HMGA2: variants seen among roughly 807,000 people sequenced by gnomAD.
The protein encoded by HMGA2 is high mobility group protein HMGI-C.
A neutral mutation model predicts 19.1 loss-of-function variants in HMGA2; 8 were observed. The observed-to-expected ratio is 0.42, with a 90% CI of 0.25 to 0.76. The LOEUF (loss-of-function observed/expected upper bound fraction) is 0.76. Ranked by LOEUF, HMGA2 falls within the 30% of genes least tolerant of loss-of-function variation. The probability of loss-of-function intolerance (pLI) is 0.28; values close to 1 mark genes in which losing one functional copy is unlikely to be tolerated. For missense variants in HMGA2, 109 were observed against 136.3 expected (o/e 0.80, Z 1.00); for synonymous variants, 60 against 48.8 (o/e 1.23, Z -0.96).
chr12:65,955,315 A>C (rs1592467234), intron 4 of HMGA2: 2 of 152,266 alleles, frequency 1.3e-5, no homozygotes, highest in East Asian at 3.9e-4. Context: ...TTAAAAAAAG[A>C]AACACCATAA....
At chr12:65,949,127 T>C (rs1876367462) in intron 3 of HMGA2, among the ~76,000 whole-genome samples, 1 of 152,172 alleles carries the variant, frequency 6.6e-6, no homozygotes, top group African/African-American at 2.4e-5. Flanking sequence ...CTCATCGTTC[T>C]TGGTTCGATT....
chr12:65,863,593 A>T (rs1486782999), intron 3 of HMGA2, among the ~76,000 whole-genome samples: 1 of 152,220 alleles, frequency 6.6e-6, no homozygotes, highest in Non-Finnish European at 1.5e-5. Context: ...AATCACAACA[A>T]TATCCTTTGC....
chr12:65,924,295 A>G (rs1057158836), intron 3 of HMGA2, among the ~76,000 whole-genome samples: 2 of 152,212 alleles, frequency 1.3e-5, no homozygotes, highest in African/African-American at 4.8e-5. Flanking sequence ...TTTTTGCTGT[A>G]TCTGAAGATA....
chr12:65,945,378 A>C (rs1381745709), intron 3 of HMGA2, among the ~76,000 whole-genome samples: 1 of 152,180 alleles, frequency 6.6e-6, no homozygotes, highest in African/African-American at 2.4e-5. Flanking sequence ...TCGATCACAT[A>C]ATTTCGTGAA....
chr12:65,901,509 G>C (rs1210123424), intron 3 of HMGA2, among the ~76,000 whole-genome samples: 1 of 152,140 alleles, frequency 6.6e-6, no homozygotes, highest in Non-Finnish European at 1.5e-5. Flanking sequence ...TTTGTTGTCT[G>C]ATTTTGTGAC....
At chr12:65,911,203 AC>A (rs1205338245) in intron 3 of HMGA2, among the ~76,000 whole-genome samples, 1 of 152,246 alleles carries the variant, frequency 6.6e-6, no homozygotes, top group Non-Finnish European at 1.5e-5. Flanking sequence ...CATTTAAAGT[AC>A]AAGCAAATTT....
intron 3 of HMGA2, among the ~76,000 whole-genome samples, chr12:65,931,052 A>T (rs371725535): frequency 1.2e-4 from 19 of 152,228 alleles, no homozygotes; most frequent in African/African-American, 3.6e-4. Flanking sequence ...TAAATTAAGC[A>T]TGGAGCTGTT....
At chr12:65,896,509 G>GCTTTCTCTCTCTTTCT (rs1229381663) in intron 3 of HMGA2, among the ~76,000 whole-genome samples, 1 of 152,198 alleles carries the variant, frequency 6.6e-6, no homozygotes, top group East Asian at 1.9e-4. Context: ...GGAGTGTGGT[G>GCTTTCTCTCTCTTTCT]CTTTCTCTCT....
chr12:65,875,002 C>T (rs9668162), intron 3 of HMGA2, among the ~76,000 whole-genome samples: 4 of 152,156 alleles, frequency 2.6e-5, no homozygotes, highest in African/African-American at 7.2e-5. Flanking sequence ...CCCGCCCCCC[C>T]AGTAATACCC....
intron 3 of HMGA2, among the ~76,000 whole-genome samples, chr12:65,901,366 A>G (rs1592432806): frequency 6.6e-6 from 1 of 152,356 alleles, no homozygotes. Context: ...TAAACCTTTG[A>G]CTTCACTGTT....
At chr12:65,938,089 AAG>A (rs1202011312) in intron 3 of HMGA2, among the ~76,000 whole-genome samples, 1 of 152,146 alleles carries the variant, frequency 6.6e-6, no homozygotes, top group Non-Finnish European at 1.5e-5. Context: ...GGACTGTCGG[AAG>A]AGACTCTCCT....
intron 3 of HMGA2, among the ~76,000 whole-genome samples, chr12:65,932,361 T>C (rs965542101): frequency 6.6e-6 from 1 of 152,244 alleles, no homozygotes; most frequent in African/African-American, 2.4e-5. Context: ...TTGATAATGT[T>C]TGATTGTTAA....
intron 3 of HMGA2, among the ~76,000 whole-genome samples, chr12:65,885,227 T>A (rs1253638724): frequency 6.6e-6 from 1 of 152,194 alleles, no homozygotes; most frequent in Non-Finnish European, 1.5e-5. Context: ...TTACAGATTA[T>A]TTTAGGTAGA....
intron 3 of HMGA2, among the ~76,000 whole-genome samples, chr12:65,887,353 T>C (rs981531642): frequency 6.6e-5 from 10 of 152,140 alleles, no homozygotes; most frequent in African/African-American, 2.4e-4. Context: ...TTTGGGAGGC[T>C]GAGATGGGTC....
intron 3 of HMGA2, among the ~76,000 whole-genome samples, chr12:65,847,382 A>C (rs1871275067): frequency 6.6e-6 from 1 of 152,190 alleles, no homozygotes; most frequent in Non-Finnish European, 1.5e-5. Context: ...CTCTTTGTGC[A>C]TACTCAATAT....
At chr12:65,893,655 T>C (rs1874009968) in intron 3 of HMGA2, among the ~76,000 whole-genome samples, 1 of 152,186 alleles carries the variant, frequency 6.6e-6, no homozygotes, top group Admixed American at 6.5e-5. Context: ...CTGTCCTGCA[T>C]TTCAGGGGGT....
At chr12:65,937,139 T>C (rs1875925256) in intron 3 of HMGA2, among the ~76,000 whole-genome samples, 1 of 152,196 alleles carries the variant, frequency 6.6e-6, no homozygotes, top group East Asian at 1.9e-4. Context: ...TAATTTTTTT[T>C]TAAAAGCTAC....
At chr12:65,841,257 G>A (rs1370086429) in intron 3 of HMGA2, among the ~76,000 whole-genome samples, 1 of 152,134 alleles carries the variant, frequency 6.6e-6, no homozygotes, top group African/African-American at 2.4e-5. Context: ...CCCCACCACA[G>A]AAATCCTTGC....
At chr12:65,916,290 G>A (rs1388684495) in intron 3 of HMGA2, among the ~76,000 whole-genome samples, 3 of 152,296 alleles carry the variant, frequency 2.0e-5, no homozygotes, top group African/African-American at 7.2e-5. Flanking sequence ...ATAAAAAAGT[G>A]TGTAAAAAGG....
Sources: allele counts gnomAD v4.1 joint callset (sites outside exome capture counted in the v4.1 genomes callset), GRCh38; gene constraint gnomAD v4.1.1; transcripts MANE v1.5; gene names NCBI Gene and HGNC (gene_info 2026-07-23, HGNC 2026-07-21).